FAAH2: variants seen among roughly 807,000 people sequenced by gnomAD.
FAAH2 encodes the protein fatty acid amide hydrolase 2.
FAAH2 carries 60 observed loss-of-function variants against 36.9 expected under a neutral mutation model. That is an observed-to-expected ratio of 1.63 (90% CI 1.32 to 2.02). FAAH2 has a LOEUF of 2.02. FAAH2 is among the 30% of genes most tolerant of loss of function. The pLI is 0.00. For missense variants in FAAH2, 689 were observed against 397.5 expected (o/e 1.73, Z -6.23); for synonymous variants, 214 against 143.8 (o/e 1.49, Z -3.49).
chrX:57,137,853 GC>G, the FAAH2 span, among the ~76,000 whole-genome samples: 196 of 111,486 alleles, frequency 1.8e-3, no homozygotes, highest in Middle Eastern at 4.7e-3. Flanking sequence ...ACGACCATAT[GC>G]AAATGTGTAT....
At chrX:57,452,541 C>T (rs1569355832) in intron 10 of FAAH2, among the ~76,000 whole-genome samples, 1 of 112,719 alleles carries the variant, frequency 8.9e-6, no homozygotes, top group East Asian at 2.8e-4. Context: ...ATATTGTTAG[C>T]TCTTCAAAGG....
intron 8 of FAAH2, among the ~76,000 whole-genome samples, chrX:57,443,388 A>G (rs1331263907): frequency 9.0e-6 from 1 of 111,315 alleles, no homozygotes; most frequent in Non-Finnish European, 1.9e-5. Context: ...CCTTTCTTCC[A>G]CTTTATCAAA....
At chrX:57,384,483 AAAC>A (rs2054955030) in intron 7 of FAAH2, among the ~76,000 whole-genome samples, 1 of 109,709 alleles carries the variant, frequency 9.1e-6, no homozygotes, top group South Asian at 4.1e-4. Flanking sequence ...TACAAGAAAA[AAAC>A]AAACAACCCC....
At chrX:57,303,106 G>GTA (rs2052424923) in intron 2 of FAAH2, among the ~76,000 whole-genome samples, 2 of 111,454 alleles carry the variant, frequency 1.8e-5, no homozygotes, top group Non-Finnish European at 3.8e-5. Context: ...CATACTTAAG[G>GTA]CACTACCTTT....
intron 7 of FAAH2, among the ~76,000 whole-genome samples, chrX:57,404,385 C>A (rs1325619389): frequency 8.9e-6 from 1 of 112,129 alleles, no homozygotes; most frequent in Non-Finnish European, 1.9e-5. Context: ...TCATTGCCCC[C>A]ATTTGCCACT....
the FAAH2 span, among the ~76,000 whole-genome samples, chrX:57,213,246 G>A: frequency 1.4e-4 from 15 of 110,905 alleles, no homozygotes; most frequent in Non-Finnish European, 2.6e-4. Flanking sequence ...TAGCTAGTGG[G>A]CTATCAATTT....
At chrX:57,324,033 G>A (rs1339123160) in intron 3 of FAAH2, among the ~76,000 whole-genome samples, 1 of 111,682 alleles carries the variant, frequency 9.0e-6, no homozygotes, top group Admixed American at 9.5e-5. Flanking sequence ...TGTAAGGAAG[G>A]GATCCAGTTT....
At chrX:57,384,815 C>A (rs1352315500) in intron 7 of FAAH2, among the ~76,000 whole-genome samples, 1 of 111,282 alleles carries the variant, frequency 9.0e-6, no homozygotes, top group African/African-American at 3.3e-5. Flanking sequence ...CCCAGCCATC[C>A]CATTAGTGGG....
the FAAH2 span, among the ~76,000 whole-genome samples, chrX:57,214,593 A>AT: frequency 1.8e-5 from 2 of 110,253 alleles, no homozygotes; most frequent in Non-Finnish European, 3.8e-5. Flanking sequence ...TGCCTGGCTA[A>AT]TTTTTTTGTA....
At chrX:57,224,594 C>A in the FAAH2 span, among the ~76,000 whole-genome samples, 1 of 111,770 alleles carries the variant, frequency 8.9e-6, no homozygotes, top group African/African-American at 3.3e-5. Flanking sequence ...AAGGGCCGGC[C>A]AGAAGACACC....
chrX:57,170,878 T>G, the FAAH2 span, among the ~76,000 whole-genome samples: 1 of 109,784 alleles, frequency 9.1e-6, no homozygotes, highest in African/African-American at 3.3e-5. Context: ...CTATTTTTTT[T>G]TTTATATTTT....
chrX:57,482,859 A>AT (rs1207951286), intron 10 of FAAH2, among the ~76,000 whole-genome samples: 1 of 108,822 alleles, frequency 9.2e-6, no homozygotes, highest in Non-Finnish European at 1.9e-5. Context: ...GAGTTTTGGG[A>AT]TTTTTGCAGA....
At chrX:57,309,255 A>G (rs906819905) in intron 2 of FAAH2, among the ~76,000 whole-genome samples, 1 of 111,763 alleles carries the variant, frequency 8.9e-6, no homozygotes, top group Non-Finnish European at 1.9e-5. Context: ...ATTATAGAAC[A>G]TTTGCAAAAA....
the FAAH2 span, among the ~76,000 whole-genome samples, chrX:57,158,660 C>T: frequency 3.6e-5 from 4 of 112,161 alleles, no homozygotes; most frequent in East Asian, 1.1e-3. Context: ...TGAGAAGTGT[C>T]TGTTCATATC....
At chrX:57,245,202 C>T in the FAAH2 span, among the ~76,000 whole-genome samples, 1 of 111,888 alleles carries the variant, frequency 8.9e-6, no homozygotes, top group East Asian at 2.8e-4. Context: ...TATACATGCA[C>T]CCAATACAGG....
intron 10 of FAAH2, among the ~76,000 whole-genome samples, chrX:57,485,205 G>A (rs997008011): frequency 2.7e-5 from 3 of 111,851 alleles, no homozygotes; most frequent in African/African-American, 6.5e-5. Flanking sequence ...TTTTGTTGTG[G>A]GAGGCATGCA....
chrX:57,210,597 A>G, the FAAH2 span, among the ~76,000 whole-genome samples: 3 of 112,545 alleles, frequency 2.7e-5, no homozygotes, highest in South Asian at 1.1e-3. Flanking sequence ...AATAGAAGGG[A>G]TCTTACTCAA....
At chrX:57,342,834 AC>A (rs2053720707) in intron 5 of FAAH2, among the ~76,000 whole-genome samples, 1 of 110,927 alleles carries the variant, frequency 9.0e-6, no homozygotes, top group African/African-American at 3.3e-5. Flanking sequence ...GTCCATGTGT[AC>A]TCAAGGTTTA....
At chrX:57,436,526 GAAA>G (rs747554438) in intron 8 of FAAH2, among the ~76,000 whole-genome samples, 156 of 108,524 alleles carry the variant, frequency 1.4e-3, no homozygotes, top group Non-Finnish European at 2.5e-3. Flanking sequence ...AATCAGAAAT[GAAA>G]AAAGAGAGAT....
Sources: allele counts gnomAD v4.1 joint callset (sites outside exome capture counted in the v4.1 genomes callset), GRCh38; gene constraint gnomAD v4.1.1; transcripts MANE v1.5; gene names NCBI Gene and HGNC (gene_info 2026-07-23, HGNC 2026-07-21).